KDELR3: variants seen among roughly 807,000 people sequenced by gnomAD.
KDELR3 encodes the protein KDEL endoplasmic reticulum protein retention receptor 3.
Under a neutral mutation model 22.7 loss-of-function variants are expected in KDELR3, and 26 were observed. The ratio of observed to expected loss-of-function variants is 1.15; its 90% CI spans 0.84 to 1.59. The LOEUF (loss-of-function observed/expected upper bound fraction) is 1.59. Ranked by LOEUF, KDELR3 falls within the 40% of genes most tolerant of loss-of-function variation. KDELR3 has a pLI of 0.00. For synonymous variants in KDELR3, 120 were observed against 98.2 expected (o/e 1.22, Z -1.31); for missense variants, 289 against 251.1 (o/e 1.15, Z -1.02).
At chr22:38,477,665 ATGT>A (rs1602660929) in intron 2 of KDELR3, among the ~76,000 whole-genome samples, 3 of 152,206 alleles carry the variant, frequency 2.0e-5, no homozygotes, top group African/African-American at 7.2e-5. Flanking sequence ...GATTTCAGGC[ATGT>A]TGTTACTAGT....
chr22:38,470,313 G>A (rs1005815193), intron 1 of KDELR3, among the ~76,000 whole-genome samples: 17 of 152,088 alleles, frequency 1.1e-4, no homozygotes, highest in African/African-American at 3.4e-4. Flanking sequence ...TAGTAGAGAC[G>A]GGGTTTCGCC....
At chr22:38,479,524 T>C (rs181616499) in intron 2 of KDELR3, 69 bp from the exon 3 acceptor site, 164 of 1,435,902 alleles carry the variant, frequency 1.1e-4, no homozygotes, top group East Asian at 8.2e-4. Flanking sequence ...TTTGGTAGGC[T>C]AGGAGCGTAG....
chr22:38,482,472 T>C, intron 4 of KDELR3, 24 bp from the exon 5 acceptor site: 1 of 1,595,284 alleles, frequency 6.3e-7, no homozygotes, highest in Non-Finnish European at 8.6e-7. Flanking sequence ...GGTAAATTCT[T>C]ATTTCATCTC....
chr22:38,475,494 T>C (rs1302764109), intron 2 of KDELR3, among the ~76,000 whole-genome samples: 1 of 151,998 alleles, frequency 6.6e-6, no homozygotes, highest in Admixed American at 6.6e-5. Context: ...AAAAAAATTA[T>C]TTAGGTGATA....
At position 38,483,298 on chromosome 22, in the gene KDELR3, G is replaced by C. The variant is rs144793274; in HGVS notation, c.*762G>C. 2 of 152,028 alleles carry C rather than the reference G, an allele frequency of 1.3e-5. No individual in the cohort carries two copies. The highest frequency in any genetic ancestry group is 4.8e-5 in the African/African-American group (2 of 41,342). The allele number at this position is 152,028 out of a possible 1,614,324, so 9.4% of individuals were successfully genotyped here. On this transcript the variant is annotated 3_prime_UTR_variant, in exon 5 of 5. Coordinates refer to ENST00000216014, the MANE Select transcript of KDELR3 (RefSeq NM_006855.4). ...GCTAGGGTTTTCAATTCCAATTCTTGTATTAAGTTTTTTCCTTTCAGTTTT... is the reference window on the plus strand; with the variant it reads ...GCTAGGGTTTTCAATTCCAATTCTTCTATTAAGTTTTTTCCTTTCAGTTTT...
In KDELR3 at chr22:38,481,245, G is replaced by C. The variant is rs1490313862; in HGVS notation, c.385G>C (p.Val129Leu). 1 of 1,614,146 alleles carries C rather than the reference G, an allele frequency of 6.2e-7. No individual in the cohort carries two copies. The highest frequency in any genetic ancestry group is 8.5e-7 in the Non-Finnish European group (1 of 1,180,042). The change falls in exon 4 of 5, where the codon GTG (valine) becomes CTG (leucine). Residue 129 changes from valine (V) to leucine (L), a missense_variant. Transcript: ENST00000216014. ...LWTFSIYLES[V>L]AILPQLFMIS... The stretch of plus-strand genomic sequence containing the variant: ...GACTTTCTCTATCTATCTGGAATCA[G>C]TGGCTATCCTGCCCCAGCTCTTCAT...
chr22:38,479,191 A>T (rs2089581246), intron 2 of KDELR3, among the ~76,000 whole-genome samples: 1 of 152,170 alleles, frequency 6.6e-6, no homozygotes, highest in South Asian at 2.1e-4. Context: ...ATTTAAAAAA[A>T]AAAAGGCTAG....
chr22:38,480,112 G>A (rs1185011993), intron 3 of KDELR3, among the ~76,000 whole-genome samples: 2 of 152,192 alleles, frequency 1.3e-5, no homozygotes, highest in African/African-American at 2.4e-5. Flanking sequence ...CATCATGGGA[G>A]ATTCTGATGC....
At chr22:38,475,740 C>T (rs1331392190) in intron 2 of KDELR3, among the ~76,000 whole-genome samples, 1 of 152,056 alleles carries the variant, frequency 6.6e-6, no homozygotes, top group African/African-American at 2.4e-5. Flanking sequence ...CGGGAGCTTG[C>T]CTTGTGCCTC....
chr22:38,481,777 G>C (rs1301978698), intron 4 of KDELR3: 1 of 664,574 alleles, frequency 1.5e-6, no homozygotes, highest in Non-Finnish European at 2.3e-6. Context: ...TGGACAAAAA[G>C]CCTAGTGGGG....
intron 1 of KDELR3, among the ~76,000 whole-genome samples, chr22:38,469,515 C>G (rs1345914638): frequency 3.9e-5 from 6 of 152,162 alleles, no homozygotes; most frequent in African/African-American, 1.4e-4. Flanking sequence ...GGGAGTGGTT[C>G]TAGGCCTGGA....
At position 38,468,158 on chromosome 22, in the gene KDELR3, C is replaced by T. The variant is rs2089498313; in HGVS notation, c.-76C>T. On this transcript the variant is annotated 5_prime_UTR_variant, in exon 1 of 5. In the 5' UTR this introduces an upstream ATG that the reference lacks. Transcript: ENST00000216014. ...GGCACCTAGAGACCGGGGCCGGAGACGTGGCAGCCGCCCTGCCCGCCAGAA... is the reference window on the plus strand; with the variant it reads ...GGCACCTAGAGACCGGGGCCGGAGATGTGGCAGCCGCCCTGCCCGCCAGAA... The T allele has an allele frequency of 2.3e-6, 3 of 1,322,242 alleles. No homozygotes were observed. The highest frequency in any genetic ancestry group is 1.8e-5 in the Admixed American group (1 of 55,582). 81.9% of individuals were successfully genotyped at this position (1,322,242 alleles called of 1,614,324 possible).
chr22:38,482,171 T>C (rs978981205), intron 4 of KDELR3, among the ~76,000 whole-genome samples: 3 of 152,162 alleles, frequency 2.0e-5, no homozygotes, highest in Non-Finnish European at 4.4e-5. Context: ...GCAGTTGCAG[T>C]TGATCAGGAA....
intron 2 of KDELR3, among the ~76,000 whole-genome samples, chr22:38,475,180 C>A (rs1399775638): frequency 6.6e-6 from 1 of 151,462 alleles, no homozygotes; most frequent in Non-Finnish European, 1.5e-5. Flanking sequence ...TGTAAAAAAC[C>A]CTGCCATATA....
intron 3 of KDELR3, 50 bp from the exon 4 acceptor site, chr22:38,481,162 G>A: frequency 1.4e-6 from 2 of 1,476,546 alleles, no homozygotes; most frequent in Non-Finnish European, 9.2e-7. Context: ...TTTTAAGATG[G>A]GCCTCTTCTT....
intron 4 of KDELR3, among the ~76,000 whole-genome samples, chr22:38,482,078 C>A (rs564512225): frequency 6.6e-6 from 1 of 152,104 alleles, no homozygotes; most frequent in Admixed American, 6.5e-5. Flanking sequence ...TTGCCAAGGG[C>A]AGGTATTGGG....
At position 38,479,755 on chromosome 22, in the gene KDELR3, A is replaced by C. The variant is rs767020631; in HGVS notation, c.351+4A>C. The C allele has an allele frequency of 6.2e-7, 1 of 1,614,098 alleles. No homozygotes were observed. On this transcript the variant is annotated splice_donor_region_variant and intron_variant, in intron 3 of 4. Transcript: ENST00000216014. ...CTACAGTTTCACTCTGCTGGAGGTA[A>C]GGGAATGGACTGAGTACCAGTTCTC... is the stretch of plus-strand genomic sequence containing the variant.
chr22:38,474,588 A>G lies in KDELR3; in HGVS notation c.157A>G (p.Thr53Ala), dbSNP rs1374744819. The G allele has an allele frequency of 6.2e-7, 1 of 1,613,922 alleles. No individual in the cohort carries two copies. The highest frequency in any genetic ancestry group is 8.5e-7 in the Non-Finnish European group (1 of 1,179,954). Residue 53 changes from threonine to alanine, a missense_variant, in exon 2 of 5, where the codon ACC becomes GCC. By Grantham distance (58) the Thr-to-Ala change is moderately conservative (BLOSUM62 0). Transcript: ENST00000216014. ...VFTTRYLDLF[T>A]NFISIYNTVM... ...CACCACCAGGTACCTGGACCTGTTC[A>G]CCAACTTCATCTCCATCTACAACAC...
chr22:38,478,793 C>CT (rs2089578567), intron 2 of KDELR3, among the ~76,000 whole-genome samples: 1 of 150,274 alleles, frequency 6.7e-6, no homozygotes, highest in Admixed American at 6.6e-5. Context: ...CAGGCGCCCG[C>CT]ATGCATGCCT....
Sources: gnomAD v4.1 joint callset for allele counts (sites outside exome capture counted in the v4.1 genomes callset) on GRCh38, gnomAD v4.1.1 for gene constraint, MANE v1.5 for transcripts, NCBI Gene and HGNC (gene_info 2026-07-23, HGNC 2026-07-21) for gene names.